Variants in CDH12 observed in about 807,000 individuals in gnomAD.
CDH12 encodes the protein cadherin-12.
A neutral mutation model predicts 74.1 loss-of-function variants in CDH12; 41 were observed. The ratio of observed to expected loss-of-function variants is 0.55; its 90% CI spans 0.43 to 0.72. The LOEUF is 0.72. Ranked by LOEUF, CDH12 falls within the 30% of genes least tolerant of loss-of-function variation. The probability of loss-of-function intolerance (pLI) is 0.00; values close to 1 mark genes in which losing one functional copy is unlikely to be tolerated. For synonymous variants in CDH12, 399 were observed against 355.0 expected, an observed-to-expected ratio of 1.12 and a Z score of -1.39; for missense variants, 945 against 977.2, an observed-to-expected ratio of 0.97 and a Z score of 0.44.
In CDH12 at chr5:21,817,028, T is replaced by C; in HGVS notation, c.919A>G (p.Asn307Asp). 1.2e-6 allele frequency: 2 copies of C among 1,612,822 alleles called. No individual in the cohort carries two copies. Among genetic ancestry groups the C allele is most frequent in the Non-Finnish European group, 1.7e-6 (2 of 1,179,128 alleles). ...DFGQNAEIEY[N>D]IVPGDGGNLF... ...TTTCCCCCATCTCCTGGAACAATAT[T>C]GTATTCAATTTCTGCATTTTGTCCA... is the stretch of plus-strand genomic sequence containing the variant. Residue 307 changes from asparagine to aspartate, a missense_variant, in exon 9 of 15, where the codon AAT (asparagine) becomes GAT (aspartate). This residue lies in a region of CDH12 where 791 missense variants were observed against 792.8 expected (regional missense o/e 1.00). Coordinates refer to ENST00000382254, the MANE Select transcript of CDH12 (RefSeq NM_004061.5).
intron 2 of CDH12, among the ~76,000 whole-genome samples, chr5:22,453,540 A>G (rs1490210627): frequency 6.6e-6 from 1 of 152,136 alleles, no homozygotes; most frequent in Non-Finnish European, 1.5e-5. Flanking sequence ...TGATGATCCC[A>G]TAGAAGTAGA....
At chr5:21,839,288 G>C (rs972835954) in intron 8 of CDH12, among the ~76,000 whole-genome samples, 3 of 151,980 alleles carry the variant, frequency 2.0e-5, no homozygotes, top group African/African-American at 4.8e-5. Context: ...ATTGCTTTAA[G>C]ACTCTCTGTG....
intron 1 of CDH12, among the ~76,000 whole-genome samples, chr5:22,569,192 T>A (rs1020792570): frequency 3.9e-5 from 6 of 152,202 alleles, no homozygotes; most frequent in African/African-American, 1.4e-4. Flanking sequence ...TGTTGAAATC[T>A]AGTTCTCAGT....
At chr5:21,796,728 A>G (rs1746802175) in intron 10 of CDH12, among the ~76,000 whole-genome samples, 1 of 152,116 alleles carries the variant, frequency 6.6e-6, no homozygotes, top group Admixed American at 6.6e-5. Context: ...TTGGAACAAA[A>G]GAAAAGTGGT....
intron 3 of CDH12, among the ~76,000 whole-genome samples, chr5:22,326,124 C>T (rs934385687): frequency 1.3e-5 from 2 of 152,156 alleles, no homozygotes; most frequent in Admixed American, 6.5e-5. Context: ...AGCTTTTCCC[C>T]CGTTCTCACC....
intron 5 of CDH12, among the ~76,000 whole-genome samples, chr5:22,071,227 G>A (rs1393082742): frequency 1.3e-5 from 2 of 151,778 alleles, no homozygotes; most frequent in African/African-American, 4.8e-5. Context: ...TACATGTCTT[G>A]TTTGTTCTGT....
At chr5:22,438,474 CAA>C (rs1183013234) in intron 2 of CDH12, among the ~76,000 whole-genome samples, 6 of 152,148 alleles carry the variant, frequency 3.9e-5, no homozygotes, top group Admixed American at 3.9e-4. Flanking sequence ...CAAGTTTAAA[CAA>C]GAGTTCAAAT....
At chr5:22,485,482 T>C (rs1035308197) in intron 2 of CDH12, among the ~76,000 whole-genome samples, 5 of 152,228 alleles carry the variant, frequency 3.3e-5, no homozygotes, top group African/African-American at 4.8e-5. Context: ...TGGACAATTA[T>C]CCTTTCTTAA....
chr5:22,786,505 G>T (rs1747632262), intron 1 of CDH12, among the ~76,000 whole-genome samples: 1 of 152,052 alleles, frequency 6.6e-6, no homozygotes. Flanking sequence ...GTTGTGGCTG[G>T]TTTTTGCTTC....
chr5:22,575,187 T>C (rs2126772401), intron 1 of CDH12, among the ~76,000 whole-genome samples: 1 of 152,270 alleles, frequency 6.6e-6, no homozygotes, highest in East Asian at 1.9e-4. Context: ...TGTGCTTGTG[T>C]GGACTGTGTG....
intron 5 of CDH12, among the ~76,000 whole-genome samples, chr5:22,018,657 TG>T (rs1737763679): frequency 6.6e-6 from 1 of 152,182 alleles, no homozygotes; most frequent in South Asian, 2.1e-4. Flanking sequence ...AACAAAACAT[TG>T]TTTTAAAATA....
At chr5:22,251,047 A>C (rs1036403117) in intron 3 of CDH12, among the ~76,000 whole-genome samples, 5 of 152,216 alleles carry the variant, frequency 3.3e-5, no homozygotes, top group Admixed American at 6.5e-5. Context: ...AATAATTTCC[A>C]AGGCTGATGA....
chr5:22,562,659 AGAAG>A (rs1324218399), intron 1 of CDH12, among the ~76,000 whole-genome samples: 1 of 151,902 alleles, frequency 6.6e-6, no homozygotes, highest in Non-Finnish European at 1.5e-5. Context: ...CTTTATCAAC[AGAAG>A]GAAGATGAGT....
chr5:22,228,166 T>A (rs1752259590), intron 3 of CDH12, among the ~76,000 whole-genome samples: 3 of 152,148 alleles, frequency 2.0e-5, no homozygotes, highest in Admixed American at 2.0e-4. Context: ...GATCGTACTA[T>A]TAACACTTAG....
At chr5:22,774,314 T>C (rs1746974708) in intron 1 of CDH12, among the ~76,000 whole-genome samples, 1 of 152,126 alleles carries the variant, frequency 6.6e-6, no homozygotes, top group African/African-American at 2.4e-5. Flanking sequence ...TGAAATCATG[T>C]CTTTTACAGC....
At chr5:21,843,010 A>G (rs564026055) in intron 7 of CDH12, among the ~76,000 whole-genome samples, 5 of 152,328 alleles carry the variant, frequency 3.3e-5, no homozygotes, top group South Asian at 4.1e-4. Flanking sequence ...TGTGAACTTT[A>G]CAGTACATGT....
intron 3 of CDH12, among the ~76,000 whole-genome samples, chr5:22,245,456 A>C (rs188674098): frequency 6.6e-6 from 1 of 152,246 alleles, no homozygotes; most frequent in Admixed American, 6.5e-5. Flanking sequence ...ATAACATTTA[A>C]AAATATAATC....
chr5:22,723,473 A>T (rs1744005028), intron 1 of CDH12, among the ~76,000 whole-genome samples: 1 of 152,048 alleles, frequency 6.6e-6, no homozygotes. Context: ...CAATATCTAT[A>T]ATAATATTAA....
chr5:22,602,330 A>G (rs1736890211), intron 1 of CDH12, among the ~76,000 whole-genome samples: 1 of 152,160 alleles, frequency 6.6e-6, no homozygotes, highest in Non-Finnish European at 1.5e-5. Flanking sequence ...TATTGAGTTT[A>G]ACCACGTGAA....
Sources: allele counts gnomAD v4.1 joint callset (sites outside exome capture counted in the v4.1 genomes callset), GRCh38; gene constraint gnomAD v4.1.1; regional missense constraint gnomAD v4.1.1; transcripts MANE v1.5; gene names NCBI Gene and HGNC (gene_info 2026-07-23, HGNC 2026-07-21).